GLP2R: variants seen among roughly 807,000 people sequenced by gnomAD.
The protein encoded by GLP2R is glucagon like peptide 2 receptor, also known as glucagon-like peptide 2 receptor.
Under a neutral mutation model 68.2 loss-of-function variants are expected in GLP2R, and 59 were observed. The observed-to-expected ratio is 0.87, with a 90% CI of 0.70 to 1.07. The LOEUF (loss-of-function observed/expected upper bound fraction) is 1.07. GLP2R is among the 50% of genes least tolerant of loss of function. GLP2R has a pLI of 0.00. For synonymous variants in GLP2R, 270 were observed against 265.4 expected, an observed-to-expected ratio of 1.02 and a Z score of -0.17; for missense variants, 548 against 677.4, an observed-to-expected ratio of 0.81 and a Z score of 2.12.
intron 8 of GLP2R, 133 bp from the exon 9 acceptor site, chr17:9,861,888 C>T: frequency 4.2e-6 from 3 of 710,138 alleles, no homozygotes; most frequent in Admixed American, 2.1e-5. Context: ...GCCTCTCCCA[C>T]CCCTCAGGGG....
rs183204712 is a variant in GLP2R at position 9,844,739 on chromosome 17, G to T, written c.504+2123G>T. Among the ~76,000 whole-genome samples the T allele has an allele frequency of 3.3e-3, 421 of 126,870 alleles. 4 individuals are homozygous for T. Among genetic ancestry groups the T allele is most frequent in the African/African-American group, 0.012 (397 of 32,932 alleles). The allele number at this position is 126,870 out of a possible 152,430, so 83.2% of individuals were successfully genotyped here. ...AGAGTCTCGCTCTGTCACCTAGGCT[G>T]GAGTGCAATGGCATGATCTTGGCTC... On this transcript the variant is annotated intron_variant, in intron 4 of 12. Coordinates refer to ENST00000262441, the MANE Select transcript of GLP2R (RefSeq NM_004246.3).
intron 4 of GLP2R, chr17:9,853,020 G>T: frequency 2.1e-6 from 1 of 486,190 alleles, no homozygotes; most frequent in East Asian, 4.7e-5. Flanking sequence ...GTAAGACCGT[G>T]GGTGGTGTGA....
chr17:9,860,634 A>G (rs1054151535), intron 7 of GLP2R, among the ~76,000 whole-genome samples: 1 of 152,148 alleles, frequency 6.6e-6, no homozygotes, highest in Non-Finnish European at 1.5e-5. Flanking sequence ...AGCTAAACCT[A>G]AGTAAGTACT....
intron 1 of GLP2R, among the ~76,000 whole-genome samples, chr17:9,827,979 A>AG (rs1416191095): frequency 1.3e-5 from 2 of 151,306 alleles, no homozygotes; most frequent in African/African-American, 2.4e-5. Flanking sequence ...AAAAAAAAAA[A>AG]AGGAATGGCT....
intron 6 of GLP2R, among the ~76,000 whole-genome samples, chr17:9,859,729 G>C (rs1048726972): frequency 1.4e-5 from 2 of 144,230 alleles, no homozygotes; most frequent in African/African-American, 5.1e-5. Context: ...TGACGCAGGA[G>C]AATCACTTGA....
chr17:9,884,474 G>A (rs1394901536), intron 11 of GLP2R, among the ~76,000 whole-genome samples: 2 of 152,148 alleles, frequency 1.3e-5, no homozygotes, highest in East Asian at 3.9e-4. Flanking sequence ...TGCCTCTCAG[G>A]TGCCTTGTGA....
chr17:9,865,314 TTG>T (rs3837867), intron 9 of GLP2R, among the ~76,000 whole-genome samples: 39,977 of 118,112 alleles, frequency 0.34, 5,593 homozygotes, highest in African/African-American at 0.41. Context: ...CCTTGTGATT[TTG>T]TGTGTGTGTG....
At chr17:9,838,787 G>A (rs768442384) in intron 3 of GLP2R, among the ~76,000 whole-genome samples, 15 of 152,348 alleles carry the variant, frequency 9.8e-5, no homozygotes, top group South Asian at 2.1e-4. Flanking sequence ...GTGGAAGGGC[G>A]CAGAGGAGAA....
At chr17:9,868,785 T>C (rs938961749) in intron 9 of GLP2R, among the ~76,000 whole-genome samples, 1 of 152,186 alleles carries the variant, frequency 6.6e-6, no homozygotes, top group Non-Finnish European at 1.5e-5. Context: ...ATGCTTCCCA[T>C]TATAACCTTT....
chr17:9,846,802 G>T (rs747845800), intron 4 of GLP2R, among the ~76,000 whole-genome samples: 13 of 152,124 alleles, frequency 8.5e-5, no homozygotes, highest in Non-Finnish European at 1.6e-4. Flanking sequence ...GTAGTGGTGC[G>T]ATCAAACCTT....
intron 11 of GLP2R, among the ~76,000 whole-genome samples, chr17:9,884,703 A>T (rs1332168993): frequency 6.6e-6 from 1 of 152,144 alleles, no homozygotes; most frequent in Admixed American, 6.5e-5. Context: ...CTCCTGTTGG[A>T]GTTGAATTCT....
intron 4 of GLP2R, among the ~76,000 whole-genome samples, chr17:9,844,270 G>A (rs932255573): frequency 2.0e-5 from 3 of 152,312 alleles, no homozygotes; most frequent in Admixed American, 6.5e-5. Flanking sequence ...ATTGAAGTAG[G>A]AGAGGGACAT....
chr17:9,847,129 A>G (rs1240325361), intron 4 of GLP2R, among the ~76,000 whole-genome samples: 2 of 152,246 alleles, frequency 1.3e-5, no homozygotes, highest in Non-Finnish European at 2.9e-5. Flanking sequence ...GTTTCTCCTC[A>G]TGCAGATACA....
At chr17:9,837,964 G>C (rs745453871) in intron 3 of GLP2R, among the ~76,000 whole-genome samples, 5 of 152,160 alleles carry the variant, frequency 3.3e-5, no homozygotes, top group Non-Finnish European at 7.3e-5. Context: ...CTAGAGCAGA[G>C]AGAGAGAGAG....
intron 4 of GLP2R, among the ~76,000 whole-genome samples, chr17:9,847,557 C>T (rs749038963): frequency 3.9e-5 from 6 of 152,046 alleles, no homozygotes; most frequent in South Asian, 4.1e-4. Context: ...TGTGAGCCAC[C>T]GCGCCCGGCC....
rs565129997 is a variant in GLP2R, at chr17:9,849,252, G to A, written c.505-5243G>A. ...TAGATTCAAAATGTAATAACATTTT[G>A]CCACATTTGCTTTCTCTCTGTTTCT... On this transcript the variant is annotated intron_variant, in intron 4 of 12. Transcript: ENST00000262441. Among the ~76,000 whole-genome samples the A allele has an allele frequency of 7.2e-5, 11 of 151,918 alleles. No homozygotes were observed. The South Asian group carries it at 1.7e-3, about 23-fold the overall frequency.
intron 10 of GLP2R, among the ~76,000 whole-genome samples, chr17:9,872,070 C>T (rs1017171596): frequency 6.6e-6 from 1 of 152,130 alleles, no homozygotes. Flanking sequence ...GGCTCTGGAA[C>T]GGGAGTGTTT....
Position 9,891,932 on chromosome 17 carries a change from A to G in GLP2R, c.*2227A>G, listed in dbSNP as rs2067294412. The stretch of plus-strand genomic sequence containing the variant: ...AGACAGCACAGAAATGGCTCTCGGG[A>G]GCCTCGGATGCTGCTGGGAGTAAGT... On this transcript the variant is annotated 3_prime_UTR_variant, in exon 13 of 13. Coordinates refer to ENST00000262441, the MANE Select transcript of GLP2R (RefSeq NM_004246.3). The G allele has an allele frequency of 6.6e-6, 1 of 152,140 alleles. No individual in the cohort carries two copies. The highest frequency in any genetic ancestry group is 2.1e-4 in the South Asian group (1 of 4,822). 9.4% of individuals were successfully genotyped at this position (152,140 alleles called of 1,614,324 possible). A position where few individuals can be genotyped will look rare whatever the true frequency, so the allele number is the denominator to read the frequency against.
Position 9,825,977 on chromosome 17 carries a change from C to A in GLP2R, c.-87C>A. The A allele has an allele frequency of 9.2e-7, 1 of 1,085,374 alleles. No homozygotes were observed. Among genetic ancestry groups the A allele is most frequent in the Non-Finnish European group, 1.4e-6 (1 of 740,578 alleles). The allele number at this position is 1,085,374 out of a possible 1,614,324, so 67.2% of individuals were successfully genotyped here. ...TTTGTGCAAACATTTCCTCTGTGGA[C>A]CAAGAGGAATGCAAGAGGAGGCTGC... On this transcript the variant is annotated 5_prime_UTR_variant, in exon 1 of 13. Coordinates refer to ENST00000262441, the MANE Select transcript of GLP2R (RefSeq NM_004246.3).
Sources: allele counts gnomAD v4.1 joint callset (sites outside exome capture counted in the v4.1 genomes callset), GRCh38; gene constraint gnomAD v4.1.1; transcripts MANE v1.5; gene names NCBI Gene and HGNC (gene_info 2026-07-23, HGNC 2026-07-21).